EPG5: variants seen among roughly 807,000 people sequenced by gnomAD.
The protein encoded by EPG5 is ectopic P granules protein 5 homolog.
EPG5 carries 159 observed loss-of-function variants against 302.7 expected under a neutral mutation model. That is an observed-to-expected ratio of 0.53 (90% CI 0.46 to 0.60). The LOEUF (loss-of-function observed/expected upper bound fraction) is 0.60, where lower values mean the gene tolerates loss of function less well. Ranked by LOEUF, EPG5 falls within the 20% of genes least tolerant of loss-of-function variation. EPG5 has a pLI of 0.00. For synonymous variants in EPG5, 1,158 were observed against 1,136.8 expected, an observed-to-expected ratio of 1.02 and a Z score of -0.37; for missense variants, 2,896 against 3,092.4, an observed-to-expected ratio of 0.94 and a Z score of 1.51.
rs148641800 is a variant in EPG5 at position 45,912,308 on chromosome 18, C to A, written c.3965G>T (p.Arg1322Leu). 7 of 1,600,860 alleles carry A rather than the reference C, an allele frequency of 4.4e-6. No homozygotes were observed. Among genetic ancestry groups the A allele is most frequent in the Non-Finnish European group, 4.3e-6 (5 of 1,175,580 alleles). The stretch of plus-strand genomic sequence containing the variant: ...AGCATACCCATACTGTGGTCCCGGA[C>A]GGTGAAGATACAGAAGGAAGAACTT... The part of the protein sequence containing the change: ...WQKFFLLYLH[R>L]PGPQYGLPID... The change falls in exon 22 of 44, where the codon CGT (arginine) becomes CTT (leucine). Residue 1322 changes from arginine (R) to leucine (L), a missense_variant. Around this residue, in one of 5 missense-constraint regions of EPG5, gnomAD observed 790 missense variants for 798.0 expected, o/e 0.99. Transcript: ENST00000282041.
At chr18:45,842,462 T>G in the EPG5 span, 387 of 332,910 alleles carry the variant, frequency 1.2e-3, no homozygotes, top group East Asian at 2.5e-3. Context: ...AGAGAGAGAG[T>G]ACACGCATTA....
intron 16 of EPG5, among the ~76,000 whole-genome samples, chr18:45,919,669 C>T (rs1005834647): frequency 5.9e-5 from 9 of 151,998 alleles, no homozygotes; most frequent in African/African-American, 2.2e-4. Context: ...CCCGCCACCA[C>T]GCCCGGCTAA....
In EPG5 at chr18:45,849,111, G is replaced by A. The variant is rs1481841972; in HGVS notation, c.*3356C>T. ...AAAAAAAAAAAAAAAAGACATTGGG[G>A]GATTTAGCTTGGATTTAGCCTAAGA... On this transcript the variant is annotated 3_prime_UTR_variant, in exon 44 of 44. Coordinates refer to ENST00000282041, the MANE Select transcript of EPG5 (RefSeq NM_020964.3). 1.3e-5 allele frequency: 2 copies of A among 151,914 alleles called. No individual in the cohort carries two copies. Among genetic ancestry groups the A allele is most frequent in the Non-Finnish European group, 2.9e-5 (2 of 68,048 alleles). The allele number at this position is 151,914 out of a possible 1,614,324, so 9.4% of individuals were successfully genotyped here.
At chr18:45,956,635 G>A (rs1361261323) in intron 1 of EPG5, among the ~76,000 whole-genome samples, 5 of 151,782 alleles carry the variant, frequency 3.3e-5, no homozygotes, top group Non-Finnish European at 4.4e-5. Flanking sequence ...TAGTAGAGAC[G>A]GGGTTTCACC....
rs757009134 is a variant in EPG5 at position 45,925,772 on chromosome 18, A to G, written c.2684T>C (p.Ile895Thr). Residue 895 changes from isoleucine (I) to threonine (T), a missense_variant, in exon 14 of 44, where the codon ATT becomes ACT. Transcript: ENST00000282041. ...AAATCCCCAATTCAGTCCTTCAAGA[A>G]TAACACAGGCCAGTTTATTCTTCAC... The part of the protein sequence containing the change: ...TVVKNKLACV[I>T]LEGLNWGFAK... 22 of 1,564,198 alleles carry G rather than the reference A, an allele frequency of 1.4e-5. No homozygotes were observed. The highest frequency in any genetic ancestry group is 1.9e-5 in the Non-Finnish European group (22 of 1,160,458).
chr18:45,889,768 A>G lies in EPG5; in HGVS notation c.4952+30T>C, dbSNP rs372829737. ...TTACTATTCATGATAACAAAACAGT[A>G]TTTCAAATTATAATGCCTGCAAAAC... On this transcript the variant is annotated intron_variant, in intron 28 of 43. Coordinates refer to ENST00000282041, the MANE Select transcript of EPG5 (RefSeq NM_020964.3). 1.9e-6 allele frequency: 3 copies of G among 1,587,624 alleles called. No individual in the cohort carries two copies. The African/African-American group carries it at 4.0e-5, about 21-fold the overall frequency.
intron 34 of EPG5, among the ~76,000 whole-genome samples, chr18:45,878,065 C>A (rs1016728968): frequency 6.6e-6 from 1 of 152,116 alleles, no homozygotes; most frequent in African/African-American, 2.4e-5. Context: ...TCTCATAAAA[C>A]CCTCAAGCGA....
intron 33 of EPG5, among the ~76,000 whole-genome samples, chr18:45,878,799 A>G (rs767836304): frequency 3.9e-5 from 6 of 152,260 alleles, no homozygotes; most frequent in Non-Finnish European, 8.8e-5. Flanking sequence ...AGGGGCAGAG[A>G]CAAGCTATAG....
At chr18:45,830,752 A>ATTTTTTT in the EPG5 span, among the ~76,000 whole-genome samples, 4 of 118,136 alleles carry the variant, frequency 3.4e-5, no homozygotes, top group Non-Finnish European at 5.0e-5. Context: ...TGCCAGGCTA[A>ATTTTTTT]TTTTTTTTTT....
chr18:45,922,721 G>T, intron 15 of EPG5, 121 bp from the exon 16 acceptor site: 1 of 1,213,416 alleles, frequency 8.2e-7, no homozygotes, highest in Non-Finnish European at 1.1e-6. Context: ...TCTACTTGCT[G>T]GTCTCCAATT....
intron 11 of EPG5, 28 bp from the exon 12 acceptor site, chr18:45,930,858 GT>G: frequency 6.4e-7 from 1 of 1,557,854 alleles, no homozygotes; most frequent in African/African-American, 1.4e-5. Context: ...GAAAATTAGA[GT>G]GGGGAAAGAA....
chr18:45,880,096 A>G lies in EPG5; in HGVS notation c.5646T>C (p.Asp1882=). Residue 1882 remains aspartate, a synonymous_variant, in exon 32 of 44, where the codon GAT becomes GAC. Coordinates refer to ENST00000282041, the MANE Select transcript of EPG5 (RefSeq NM_020964.3). ...TEGAVLPSSS[D]ALLSDKQVME... is the part of the protein sequence containing the mutation. ...ACACCTGCTTGTCTGACAAGAGAGCATCAGAAGAGCTGGGAAGCACGGCGC... is the reference window on the plus strand; with the variant it reads ...ACACCTGCTTGTCTGACAAGAGAGCGTCAGAAGAGCTGGGAAGCACGGCGC... The G allele has an allele frequency of 6.2e-7, 1 of 1,604,772 alleles. No homozygotes were observed. Among genetic ancestry groups the G allele is most frequent in the Non-Finnish European group, 8.5e-7 (1 of 1,174,384 alleles).
chr18:45,802,669 T>C, the EPG5 span, among the ~76,000 whole-genome samples: 2 of 152,340 alleles, frequency 1.3e-5, no homozygotes, highest in African/African-American at 4.8e-5. Context: ...ACTGTCCTAC[T>C]GCCTCTCCTC....
chr18:45,861,037 T>C (rs2048623714), intron 39 of EPG5, among the ~76,000 whole-genome samples: 1 of 152,234 alleles, frequency 6.6e-6, no homozygotes, highest in Non-Finnish European at 1.5e-5. Context: ...TTAAATGGAA[T>C]AATTTTTGCC....
At chr18:45,910,460 T>G in intron 23 of EPG5, 61 bp downstream of exon 23, 1 of 1,267,386 alleles carries the variant, frequency 7.9e-7, no homozygotes, top group South Asian at 1.4e-5. Context: ...CACAGTTAAC[T>G]GCTCCAGCAT....
At chr18:45,825,151 G>A in the EPG5 span, among the ~76,000 whole-genome samples, 10 of 112,830 alleles carry the variant, frequency 8.9e-5, no homozygotes, top group Non-Finnish European at 1.4e-4. Context: ...GGGAGGGAGG[G>A]AAGGAAGGGA....
chr18:45,836,892 C>T, the EPG5 span: 1 of 603,488 alleles, frequency 1.7e-6, no homozygotes, highest in Non-Finnish European at 3.0e-6. Context: ...CTCTAGTGCA[C>T]TAGAATGCAG....
rs904220804 is a variant in EPG5 at position 45,887,889 on chromosome 18, G to A, written c.4971C>T (p.Tyr1657=). Reference sequence around the variant, plus strand: ...GAATCCCAGGTGTAGGCTGCAACTTGTAGGCATTCACTAAGGCCCTGTGGG... The same window carrying A: ...GAATCCCAGGTGTAGGCTGCAACTTATAGGCATTCACTAAGGCCCTGTGGG... The part of the protein sequence containing the change: ...ENLITALVNA[Y]KLQPTPGIQK... The change falls in exon 29 of 44, where the codon TAC becomes TAT. Residue 1657 remains tyrosine, a synonymous_variant. Transcript: ENST00000282041. The A allele has an allele frequency of 6.3e-7, 1 of 1,581,820 alleles. No homozygotes were observed. The highest frequency in any genetic ancestry group is 1.3e-5 in the African/African-American group (1 of 74,334).
chr18:45,834,095 A>G, the EPG5 span, among the ~76,000 whole-genome samples: 3 of 152,126 alleles, frequency 2.0e-5, no homozygotes, highest in Non-Finnish European at 4.4e-5. Context: ...TTTGCCTAGA[A>G]TGCTACCTCA....
Sources: gnomAD v4.1 joint callset for allele counts (sites outside exome capture counted in the v4.1 genomes callset) on GRCh38, gnomAD v4.1.1 for gene constraint, gnomAD v4.1.1 regional missense constraint, MANE v1.5 for transcripts, NCBI Gene and HGNC (gene_info 2026-07-23, HGNC 2026-07-21) for gene names.